PRKN: variants seen among roughly 807,000 people sequenced by gnomAD.
PRKN encodes parkin RBR E3 ubiquitin protein ligase, also known as E3 ubiquitin-protein ligase parkin.
A neutral mutation model predicts 59.5 loss-of-function variants in PRKN; 56 were observed. The observed-to-expected ratio is 0.94, with a 90% CI of 0.76 to 1.18. The LOEUF (loss-of-function observed/expected upper bound fraction) is 1.18. Ranked by LOEUF, PRKN falls within the 50% of genes most tolerant of loss-of-function variation. The probability of loss-of-function intolerance (pLI) is 0.00; values close to 1 mark genes in which losing one functional copy is unlikely to be tolerated. For synonymous variants in PRKN, 250 were observed against 222.1 expected, an observed-to-expected ratio of 1.13 and a Z score of -1.12; for missense variants, 657 against 596.4, an observed-to-expected ratio of 1.10 and a Z score of -1.06.
chr6:162,391,818 T>C (rs1310004636), intron 2 of PRKN, among the ~76,000 whole-genome samples: 2 of 152,182 alleles, frequency 1.3e-5, no homozygotes, highest in East Asian at 1.9e-4. Flanking sequence ...TTTTTTAACA[T>C]ACTTGCAAAA....
intron 3 of PRKN, among the ~76,000 whole-genome samples, chr6:162,210,829 A>T (rs535645372): frequency 6.6e-6 from 1 of 152,114 alleles, no homozygotes; most frequent in Admixed American, 6.6e-5. Flanking sequence ...AATATGCTTT[A>T]AAAAAAAGTA....
At chr6:161,908,088 C>T (rs1274185612) in intron 6 of PRKN, among the ~76,000 whole-genome samples, 1 of 147,502 alleles carries the variant, frequency 6.8e-6, no homozygotes, top group Non-Finnish European at 1.5e-5. Flanking sequence ...AAACTAACAA[C>T]AACGACAACA....
At chr6:162,298,230 T>C (rs1781771567) in intron 2 of PRKN, among the ~76,000 whole-genome samples, 1 of 151,952 alleles carries the variant, frequency 6.6e-6, no homozygotes, top group South Asian at 2.1e-4. Context: ...TTCCTGGCCC[T>C]GCTTGCTTGA....
intron 7 of PRKN, among the ~76,000 whole-genome samples, chr6:161,570,935 A>G (rs1780863886): frequency 6.6e-6 from 1 of 152,096 alleles, no homozygotes. Context: ...ATTAGGTTGT[A>G]GTCATTTATA....
intron 9 of PRKN, among the ~76,000 whole-genome samples, chr6:161,408,832 T>C (rs370233593): frequency 6.6e-6 from 1 of 152,216 alleles, no homozygotes; most frequent in Non-Finnish European, 1.5e-5. Context: ...AAATAGCCAA[T>C]GAAATCTTAT....
chr6:162,259,109 G>A (rs1779777868), intron 3 of PRKN, among the ~76,000 whole-genome samples: 1 of 152,148 alleles, frequency 6.6e-6, no homozygotes, highest in Admixed American at 6.5e-5. Flanking sequence ...CTCTTTTTCT[G>A]AGGCACAGGT....
chr6:161,924,283 G>A (rs1778887973), intron 6 of PRKN, among the ~76,000 whole-genome samples: 1 of 152,130 alleles, frequency 6.6e-6, no homozygotes, highest in South Asian at 2.1e-4. Context: ...ACACACTCCA[G>A]GAAGGCCTCA....
At position 161,391,459 on chromosome 6, in the gene PRKN, A is replaced by C. The variant is rs1405707290; in HGVS notation, c.1084-4582T>G. Reference sequence around the variant, plus strand: ...TTGTTTTTTTTTTTCGAGAAATTTTAAATGTCTTTAAACAATCATAAAATA... The same window carrying C: ...TTGTTTTTTTTTTTCGAGAAATTTTCAATGTCTTTAAACAATCATAAAATA... On this transcript the variant is annotated intron_variant, in intron 9 of 11. Transcript: ENST00000366898. This position sits in a 1 kb window ranked among gnomAD's most constrained non-coding sequence, Gnocchi z 4.9. 6.7e-6 allele frequency among the ~76,000 whole-genome samples: 1 copy of C among 149,732 alleles called. No homozygotes were observed. The highest frequency in any genetic ancestry group is 2.4e-5 in the African/African-American group (1 of 40,886).
At chr6:161,427,024 A>T (rs1215853432) in intron 9 of PRKN, among the ~76,000 whole-genome samples, 2 of 150,792 alleles carry the variant, frequency 1.3e-5, no homozygotes, top group East Asian at 4.0e-4. Context: ...TGGCCTACTT[A>T]CTTATATTTT....
chr6:162,723,966 ATCT>A (rs1562526881), intron 1 of PRKN, among the ~76,000 whole-genome samples: 2 of 152,320 alleles, frequency 1.3e-5, no homozygotes, highest in South Asian at 2.1e-4. Flanking sequence ...TCAATCAAAA[ATCT>A]TCTTAAAAGT....
In PRKN at chr6:161,452,699, T is replaced by G. The variant is rs192704347; in HGVS notation, c.1084-65822A>C. Among the ~76,000 whole-genome samples, 4 of 152,290 alleles carry G rather than the reference T, an allele frequency of 2.6e-5. No individual in the cohort carries two copies. The East Asian group carries it at 7.7e-4, about 29-fold the overall frequency. On this transcript the variant is annotated intron_variant, in intron 9 of 11. Coordinates refer to ENST00000366898, the MANE Select transcript of PRKN (RefSeq NM_004562.3). The stretch of plus-strand genomic sequence containing the variant: ...TTTGGGATTGTCCTCTCAATTTGCT[T>G]GTAGTTGCGTTATAATCAAAACGTT...
chr6:162,185,693 T>C (rs926219700), intron 4 of PRKN, among the ~76,000 whole-genome samples: 2 of 152,280 alleles, frequency 1.3e-5, no homozygotes, highest in Non-Finnish European at 2.9e-5. Context: ...TGGAATTTAA[T>C]AGATGGCTGG....
chr6:162,213,745 A>G (rs1021117799), intron 3 of PRKN, among the ~76,000 whole-genome samples: 2 of 151,840 alleles, frequency 1.3e-5, no homozygotes, highest in African/African-American at 2.4e-5. Context: ...AAAAAAATAA[A>G]AAAAATGTAT....
At chr6:162,082,564 A>G (rs1779098930) in intron 4 of PRKN, among the ~76,000 whole-genome samples, 1 of 152,012 alleles carries the variant, frequency 6.6e-6, no homozygotes. Context: ...TCCTTCAAGG[A>G]ATTTTCCTTT....
chr6:162,254,892 A>T (rs1448314464), intron 3 of PRKN, among the ~76,000 whole-genome samples: 1 of 152,064 alleles, frequency 6.6e-6, no homozygotes, highest in Non-Finnish European at 1.5e-5. Context: ...AAACAAATAC[A>T]TATGCCATAC....
chr6:162,034,794 A>T (rs1052574169), intron 5 of PRKN, among the ~76,000 whole-genome samples: 1 of 152,244 alleles, frequency 6.6e-6, no homozygotes, highest in African/African-American at 2.4e-5. Flanking sequence ...CAGTCAGGAA[A>T]AATATAGCCC....
At chr6:161,985,585 C>T (rs184459498) in intron 5 of PRKN, among the ~76,000 whole-genome samples, 1 of 152,330 alleles carries the variant, frequency 6.6e-6, no homozygotes, top group East Asian at 1.9e-4. Flanking sequence ...TCTAGGGAGT[C>T]TCTAGAAGAC....
intron 3 of PRKN, among the ~76,000 whole-genome samples, chr6:162,245,028 A>T (rs1383378174): frequency 1.3e-5 from 2 of 152,110 alleles, no homozygotes; most frequent in African/African-American, 4.8e-5. Context: ...CTCTCTGGTG[A>T]TGTAATGGTT....
At chr6:161,959,046 A>G (rs1780284855) in intron 6 of PRKN, among the ~76,000 whole-genome samples, 3 of 152,176 alleles carry the variant, frequency 2.0e-5, no homozygotes, top group Non-Finnish European at 2.9e-5. Flanking sequence ...AATAAGTTAA[A>G]TATTGTTATT....
Sources: gnomAD v4.1 joint callset for allele counts (sites outside exome capture counted in the v4.1 genomes callset) on GRCh38, gnomAD v4.1.1 for gene constraint, Gnocchi (gnomAD v3.1) non-coding constraint, MANE v1.5 for transcripts, NCBI Gene and HGNC (gene_info 2026-07-23, HGNC 2026-07-21) for gene names.